Variants in DNAH5 observed in about 807,000 individuals in gnomAD.
DNAH5 encodes the protein dynein axonemal heavy chain 5, also known as axonemal beta dynein heavy chain 5.
DNAH5 carries 372 observed loss-of-function variants against 518.2 expected under a neutral mutation model. That is an observed-to-expected ratio of 0.72 (90% CI 0.66 to 0.78). The LOEUF (loss-of-function observed/expected upper bound fraction) is 0.78, where lower values mean the gene tolerates loss of function less well. DNAH5 is among the 30% of genes least tolerant of loss of function. The probability of loss-of-function intolerance (pLI) is 0.00; values close to 1 mark genes in which losing one functional copy is unlikely to be tolerated. For synonymous variants in DNAH5, 2,039 were observed against 2,025.9 expected, an observed-to-expected ratio of 1.01 and a Z score of -0.17; for missense variants, 5,523 against 5,687.0, an observed-to-expected ratio of 0.97 and a Z score of 0.93.
intron 73 of DNAH5, 23 bp downstream of exon 73, chr5:13,717,292 T>C (rs375727884): frequency 6.2e-7 from 1 of 1,608,144 alleles, no homozygotes; most frequent in Non-Finnish European, 8.5e-7. Flanking sequence ...ACTAGAGGCA[T>C]GAGGCAGCAT....
At chr5:13,721,530 C>A (rs1293260568) in intron 70 of DNAH5, among the ~76,000 whole-genome samples, 1 of 152,098 alleles carries the variant, frequency 6.6e-6, no homozygotes, top group Admixed American at 6.6e-5. Flanking sequence ...TTGCTTCCTG[C>A]TAGACCAGAA....
rs1750259767 is a variant in DNAH5 at position 13,751,731 on chromosome 5, G to A, written c.11028+403C>T. Among the ~76,000 whole-genome samples the A allele has an allele frequency of 2.0e-5, 3 of 152,108 alleles. No individual in the cohort carries two copies. In the South Asian group the frequency reaches 6.2e-4, roughly 32 times the overall value. On this transcript the variant is annotated intron_variant, in intron 64 of 78. Transcript: ENST00000265104. ...GGGGCAGCTGCTCTAGGGCTTTGTG[G>A]TGTTTAGGGGGTAGAGCTGGGGTGA...
chr5:13,698,807 C>G (rs903652318), intron 78 of DNAH5, among the ~76,000 whole-genome samples: 7 of 152,170 alleles, frequency 4.6e-5, no homozygotes, highest in African/African-American at 9.7e-5. Context: ...TTGTTTGGCC[C>G]CAGCTAGAAA....
At position 13,923,388 on chromosome 5, in the gene DNAH5, T is replaced by A. The variant is rs138832246; in HGVS notation, c.330A>T (p.Lys110Asn). Residue 110 changes from lysine to asparagine, a missense_variant, in exon 4 of 79, where the codon AAA becomes AAT. Coordinates refer to ENST00000265104, the MANE Select transcript of DNAH5 (RefSeq NM_001369.3). ...GVNLVSGKIK[K>N]PKVFVTEGND... is the part of the protein sequence containing the mutation. Reference sequence around the variant, plus strand: ...TTCCCTCGGTCACGAACACCTTAGGTTTTTTAATCTTTCCAGAAACAAGAT... The same window carrying A: ...TTCCCTCGGTCACGAACACCTTAGGATTTTTAATCTTTCCAGAAACAAGAT... 3.6e-4 allele frequency: 583 copies of A among 1,613,964 alleles called. No individual in the cohort carries two copies. The highest frequency in any genetic ancestry group is 4.8e-4 in the Non-Finnish European group (564 of 1,180,000).
At chr5:13,792,570 T>C (rs1243520629) in intron 49 of DNAH5, among the ~76,000 whole-genome samples, 2 of 152,342 alleles carry the variant, frequency 1.3e-5, no homozygotes, top group East Asian at 1.9e-4. Context: ...AGGTTTCTAG[T>C]TTCTGTCATT....
chr5:13,796,714 T>C (rs965977148), intron 47 of DNAH5, among the ~76,000 whole-genome samples: 4 of 152,186 alleles, frequency 2.6e-5, no homozygotes, highest in Non-Finnish European at 2.9e-5. Flanking sequence ...AAATTTCATA[T>C]GGAACCAAAA....
chr5:13,927,520 TAATA>T, intron 3 of DNAH5, among the ~76,000 whole-genome samples: 1 of 151,938 alleles, frequency 6.6e-6, no homozygotes, highest in Admixed American at 6.6e-5. Flanking sequence ...AAAATAATAA[TAATA>T]AATAACAACA....
chr5:13,705,809 G>A (rs1742708025), intron 76 of DNAH5, among the ~76,000 whole-genome samples: 1 of 148,086 alleles, frequency 6.8e-6, no homozygotes, highest in Non-Finnish European at 1.5e-5. Context: ...TGATGTGAAT[G>A]TACACAAGGC....
At chr5:13,761,592 C>CA (rs34662456) in intron 60 of DNAH5, among the ~76,000 whole-genome samples, 3,826 of 135,098 alleles carry the variant, frequency 0.028, 202 homozygotes, top group African/African-American at 0.086. Flanking sequence ...GACTCCGTCT[C>CA]AAAAAAAAAA....
At chr5:13,923,815 G>A (rs1777560294) in intron 3 of DNAH5, among the ~76,000 whole-genome samples, 1 of 152,086 alleles carries the variant, frequency 6.6e-6, no homozygotes, top group South Asian at 2.1e-4. Context: ...AGGCCGAGGC[G>A]GGCAGATCAC....
intron 2 of DNAH5, among the ~76,000 whole-genome samples, chr5:13,930,093 CTCCTGCTTGA>C (rs1778272532): frequency 6.6e-6 from 1 of 152,142 alleles, no homozygotes; most frequent in Admixed American, 6.5e-5. Flanking sequence ...ATTTCCTCAG[CTCCTGCTTGA>C]TCCATCCTGT....
chr5:13,807,642 G>C lies in DNAH5; in HGVS notation c.7836C>G (p.His2612Gln). The change falls in exon 47 of 79, where the codon CAC (histidine) becomes CAG (glutamine). Residue 2612 changes from histidine (H) to glutamine (Q), a missense_variant. By Grantham distance (24) the His-to-Gln change is conservative (BLOSUM62 0). Coordinates refer to ENST00000265104, the MANE Select transcript of DNAH5 (RefSeq NM_001369.3). ...GFMSKYDPEC[H>Q]MIKSLNFSSA... ...AAGAAAAATTCAGACTCTTGATCATGTGACATTCAGGATCATATTTTGACA... is the reference window on the plus strand; with the variant it reads ...AAGAAAAATTCAGACTCTTGATCATCTGACATTCAGGATCATATTTTGACA... 6.2e-7 allele frequency: 1 copy of C among 1,613,026 alleles called. No homozygotes were observed. Among genetic ancestry groups the C allele is most frequent in the Non-Finnish European group, 8.5e-7 (1 of 1,179,306 alleles).
Position 13,793,567 on chromosome 5 carries a change from G to C in DNAH5, c.8172C>G (p.Phe2724Leu). ...NDIPQRLKRQFSIFNCTLPSE... is the reference protein window; with the variant it reads ...NDIPQRLKRQLSIFNCTLPSE... Reference sequence around the variant, plus strand: ...AGGGCAACGTGCAATTAAATATAGAGAACTGCCTCTTGAGTCTTTGGGGTA... The same window carrying C: ...AGGGCAACGTGCAATTAAATATAGACAACTGCCTCTTGAGTCTTTGGGGTA... The change falls in exon 49 of 79, where the codon TTC becomes TTG. Residue 2724 changes from phenylalanine (F) to leucine (L), a missense_variant. Coordinates refer to ENST00000265104, the MANE Select transcript of DNAH5 (RefSeq NM_001369.3). 1.9e-6 allele frequency: 3 copies of C among 1,614,092 alleles called. No homozygotes were observed. Among genetic ancestry groups the C allele is most frequent in the Non-Finnish European group, 2.5e-6 (3 of 1,180,018 alleles).
chr5:13,814,781 C>A lies in DNAH5; in HGVS notation c.7054G>T (p.Val2352Phe). 6.2e-7 allele frequency: 1 copy of A among 1,613,832 alleles called. No homozygotes were observed. The highest frequency in any genetic ancestry group is 8.5e-7 in the Non-Finnish European group (1 of 1,179,954). The part of the protein sequence containing the change: ...DAIWIENLNS[V>F]LDDNKTLTLA... ...GTTAGAGTTTTGTTATCATCCAAAACAGAATTCAGATTTTCAATCCAGATG... is the reference window on the plus strand; with the variant it reads ...GTTAGAGTTTTGTTATCATCCAAAAAAGAATTCAGATTTTCAATCCAGATG... Residue 2352 changes from valine (V) to phenylalanine (F), a missense_variant, in exon 43 of 79, where the codon GTT becomes TTT. By Grantham distance (50) the Val-to-Phe change is conservative. Coordinates refer to ENST00000265104, the MANE Select transcript of DNAH5 (RefSeq NM_001369.3).
At chr5:13,695,888 A>AC (rs1333067808) in intron 78 of DNAH5, among the ~76,000 whole-genome samples, 6 of 152,106 alleles carry the variant, frequency 3.9e-5, no homozygotes, top group Admixed American at 6.5e-5. Flanking sequence ...ACATACACAC[A>AC]CATGCATCTA....
intron 65 of DNAH5, among the ~76,000 whole-genome samples, chr5:13,745,081 T>A (rs957329857): frequency 6.6e-6 from 1 of 152,090 alleles, no homozygotes; most frequent in Non-Finnish European, 1.5e-5. Context: ...TTCTGAACAA[T>A]GATGATCCCT....
At chr5:13,756,405 T>TA (rs1440499974) in intron 61 of DNAH5, among the ~76,000 whole-genome samples, 4 of 152,210 alleles carry the variant, frequency 2.6e-5, no homozygotes, top group African/African-American at 2.4e-5. Flanking sequence ...GCCATGATGT[T>TA]ACAGTTCTTC....
intron 1 of DNAH5, among the ~76,000 whole-genome samples, chr5:14,009,253 T>C (rs901905912): frequency 3.3e-5 from 5 of 152,208 alleles, no homozygotes; most frequent in African/African-American, 9.6e-5. Flanking sequence ...GGAGAAAATG[T>C]AACAGGTAAA....
At chr5:13,718,556 C>G (rs1293702937) in intron 72 of DNAH5, among the ~76,000 whole-genome samples, 2 of 152,192 alleles carry the variant, frequency 1.3e-5, no homozygotes, top group African/African-American at 2.4e-5. Flanking sequence ...TTGGAAGAGA[C>G]TACTGTACTA....
Sources: gnomAD v4.1 joint callset for allele counts (sites outside exome capture counted in the v4.1 genomes callset) on GRCh38, gnomAD v4.1.1 for gene constraint, MANE v1.5 for transcripts, NCBI Gene and HGNC (gene_info 2026-07-23, HGNC 2026-07-21) for gene names.